DSP: variants seen among roughly 807,000 people sequenced by gnomAD.
The protein encoded by DSP is desmoplakin, also known as 250/210 kDa paraneoplastic pemphigus antigen.
In DSP, 114 loss-of-function variants were observed where a neutral mutation model predicts 290.6. The ratio of observed to expected loss-of-function variants is 0.39; its 90% CI spans 0.34 to 0.46. The LOEUF (loss-of-function observed/expected upper bound fraction) is 0.46. Among genes scored for constraint, DSP ranks in the 20% least tolerant of loss-of-function variants. DSP has a pLI of 0.99. For synonymous variants in DSP, 1,311 were observed against 1,316.4 expected, an observed-to-expected ratio of 1.00 and a Z score of 0.09; for missense variants, 3,230 against 3,495.8, an observed-to-expected ratio of 0.92 and a Z score of 1.92.
rs765707433 is a variant in DSP, at chr6:7,558,163, G to A, written c.321G>A (p.Leu107=). Residue 107 remains leucine, a synonymous_variant, in exon 3 of 24, where the codon TTG becomes TTA. Transcript: ENST00000379802. ...TACAACTGACTCGGAGTCGAGAATT[G>A]GATGAGTGTTTTGCCCAGGCCAATG... is the stretch of plus-strand genomic sequence containing the variant. ...DGIQLTRSRE[L]DECFAQANDQ... 9 of 1,614,108 alleles carry A rather than the reference G, an allele frequency of 5.6e-6. No homozygotes were observed. Among genetic ancestry groups the A allele is most frequent in the Non-Finnish European group, 7.6e-6 (9 of 1,180,052 alleles).
rs1758815223 is a variant in DSP, at chr6:7,565,050, A to G, written c.778-309A>G. ...TCCCACCTACTCGGGAAGCTGAGGCAGGAGAATCGCTTAAACCCGGGAGGG... is the reference window on the plus strand; with the variant it reads ...TCCCACCTACTCGGGAAGCTGAGGCGGGAGAATCGCTTAAACCCGGGAGGG... On this transcript the variant is annotated intron_variant, in intron 6 of 23. Transcript: ENST00000379802. The surrounding 1 kb of genome is among the most constrained non-coding windows in gnomAD (Gnocchi z 4.2). 6.6e-6 allele frequency among the ~76,000 whole-genome samples: 1 copy of G among 152,160 alleles called. No homozygotes were observed. Among genetic ancestry groups the G allele is most frequent in the Non-Finnish European group, 1.5e-5 (1 of 68,034 alleles).
rs10545097 is a variant in DSP, at chr6:7,582,139, G to GGTGTGTGT, written c.5380-482_5380-475dup. On this transcript the variant is annotated intron_variant, in intron 23 of 23. Coordinates refer to ENST00000379802, the MANE Select transcript of DSP (RefSeq NM_004415.4). This position sits in a 1 kb window ranked among gnomAD's most constrained non-coding sequence, Gnocchi z 4.2. ...GACAATATTTGTGTGTGGCTGGGTT[G>GGTGTGTGT]GTGTGTGTGTGTGTGTGTGTGTGTG... 7.0e-6 allele frequency among the ~76,000 whole-genome samples: 1 copy of GGTGTGTGT among 143,792 alleles called. No homozygotes were observed. Among genetic ancestry groups the GGTGTGTGT allele is most frequent in the Admixed American group, 7.0e-5 (1 of 14,272 alleles). 94.3% of individuals were successfully genotyped at this position (143,792 alleles called of 152,430 possible).
intron 4 of DSP, among the ~76,000 whole-genome samples, chr6:7,559,634 TCA>T (rs2113660481): frequency 6.6e-6 from 1 of 152,244 alleles, no homozygotes; most frequent in East Asian, 1.9e-4. Flanking sequence ...TCATCCTTTA[TCA>T]CACAGGTCAT....
intron 10 of DSP, 86 bp from the exon 11 acceptor site, chr6:7,568,351 A>G (rs749943799): frequency 1.5e-5 from 22 of 1,431,314 alleles, no homozygotes; most frequent in Non-Finnish European, 2.0e-5. Context: ...TCAGTGTGTC[A>G]TGTAGCTACA....
chr6:7,576,577 C>A, intron 19 of DSP, 121 bp downstream of exon 19: 1 of 1,310,374 alleles, frequency 7.6e-7, no homozygotes, highest in Non-Finnish European at 1.1e-6. Context: ...ATTACTAACC[C>A]ATTTTGTGAA....
chr6:7,575,694 A>G (rs1340051871), intron 18 of DSP, among the ~76,000 whole-genome samples: 1 of 152,228 alleles, frequency 6.6e-6, no homozygotes, highest in Admixed American at 6.5e-5. Context: ...AACCCTGTGC[A>G]GGCCAGGTGC....
intron 3 of DSP, among the ~76,000 whole-genome samples, chr6:7,558,501 ATTTGACTTTTTTTTTTTTT>A (rs1758572003): frequency 1.4e-5 from 2 of 138,088 alleles, no homozygotes; most frequent in Admixed American, 1.4e-4. Context: ...TTGGCATGGC[ATTTGACTTTTTTTTTTTTT>A]TTTTTTTTTT....
At chr6:7,550,301 G>T (rs1195728074) in intron 1 of DSP, among the ~76,000 whole-genome samples, 1 of 151,472 alleles carries the variant, frequency 6.6e-6, no homozygotes. Flanking sequence ...GCAATCCGGC[G>T]GCCTCTGCCT....
chr6:7,568,578 A>C lies in DSP; in HGVS notation c.1408A>C (p.Lys470Gln). Reference sequence around the variant, plus strand: ...TATTCTCAGAGCTCTCTGTGACTACAAACAAGATCAGGTGTGTACTCATTT... The same window carrying C: ...TATTCTCAGAGCTCTCTGTGACTACCAACAAGATCAGGTGTGTACTCATTT... ...PIILRALCDY[K>Q]QDQKIVHKGD... The change falls in exon 11 of 24, where the codon AAA becomes CAA. Residue 470 changes from lysine (K) to glutamine (Q), a missense_variant. Lys to Gln is a moderately conservative substitution (Grantham distance 53). This residue lies in a region of DSP where 646 missense variants were observed against 684.3 expected (regional missense o/e 0.94). Transcript: ENST00000379802. The C allele has an allele frequency of 6.2e-7, 1 of 1,613,982 alleles. No homozygotes were observed.
chr6:7,571,268 G>A lies in DSP; in HGVS notation c.1702-115G>A. ...AGACCTTTTATATCTTAATGAGCCT[G>A]TGATGAGTGTTGCTTTGAGTCCCAT... On this transcript the variant is annotated intron_variant, in intron 13 of 23. Transcript: ENST00000379802. 1.6e-5 allele frequency: 15 copies of A among 954,320 alleles called. No homozygotes were observed. The South Asian group carries it at 1.9e-4, about 12-fold the overall frequency. 59.1% of individuals were successfully genotyped at this position (954,320 alleles called of 1,614,324 possible). A position where few individuals can be genotyped will look rare whatever the true frequency, so the allele number is the denominator to read the frequency against.
chr6:7,542,794 C>T (rs780968350), intron 1 of DSP, among the ~76,000 whole-genome samples: 3 of 152,216 alleles, frequency 2.0e-5, no homozygotes, highest in African/African-American at 2.4e-5. Context: ...CGCCGCAGCC[C>T]CCGCGGGCGA....
At position 7,581,297 on chromosome 6, in the gene DSP, A is replaced by T. The variant is rs868035157; in HGVS notation, c.5107A>T (p.Ile1703Phe). The stretch of plus-strand genomic sequence containing the variant: ...AAGCTTAAATGAAAGCAAAATAGAA[A>T]TTGAGAGGCTGCAGTCTCTCACAGA... ...SRSLNESKIE[I>F]ERLQSLTENL... Residue 1703 changes from isoleucine (I) to phenylalanine (F), a missense_variant, in exon 23 of 24, where the codon ATT becomes TTT. Transcript: ENST00000379802. 5 of 1,614,172 alleles carry T rather than the reference A, an allele frequency of 3.1e-6. No homozygotes were observed. In the Middle Eastern group the frequency reaches 4.9e-4, roughly 160 times the overall value.
intron 11 of DSP, 122 bp downstream of exon 11, chr6:7,568,711 A>T: frequency 9.0e-7 from 1 of 1,112,832 alleles, no homozygotes; most frequent in Non-Finnish European, 1.3e-6. Flanking sequence ...TCTTTGATCT[A>T]TGAAATCAGC....
Position 7,586,022 on chromosome 6 carries a change from C to G in DSP, c.*144C>G. 1 of 872,894 alleles carries G rather than the reference C, an allele frequency of 1.1e-6. No homozygotes were observed. Among genetic ancestry groups the G allele is most frequent in the Non-Finnish European group, 1.8e-6 (1 of 561,026 alleles). 54.1% of individuals were successfully genotyped at this position (872,894 alleles called of 1,614,324 possible). On this transcript the variant is annotated 3_prime_UTR_variant, in exon 24 of 24. Coordinates refer to ENST00000379802, the MANE Select transcript of DSP (RefSeq NM_004415.4). The stretch of plus-strand genomic sequence containing the variant: ...CAGAAAATATAGCCATGATTGAAAT[C>G]AAATAGTAAAGGCTGTTCTGGCTTT...
chr6:7,558,420 T>C (rs1758570117), intron 3 of DSP, among the ~76,000 whole-genome samples, 156 bp downstream of exon 3: 1 of 152,234 alleles, frequency 6.6e-6, no homozygotes, highest in Non-Finnish European at 1.5e-5. Flanking sequence ...CTTTATTATG[T>C]ATCTCTAATA....
At chr6:7,549,489 T>C (rs1031323163) in intron 1 of DSP, among the ~76,000 whole-genome samples, 8 of 152,314 alleles carry the variant, frequency 5.3e-5, no homozygotes, top group East Asian at 1.9e-4. Context: ...AAATGAAGTA[T>C]TAAAAATATA....
At chr6:7,558,003 G>C (rs1351866602) in intron 2 of DSP, 113 bp from the exon 3 acceptor site, 1 of 1,337,458 alleles carries the variant, frequency 7.5e-7, no homozygotes, top group East Asian at 2.3e-5. Context: ...TTTCACTGGC[G>C]AAACTTACAG....
At chr6:7,572,513 C>T (rs982871936) in intron 15 of DSP, among the ~76,000 whole-genome samples, 2 of 152,154 alleles carry the variant, frequency 1.3e-5, no homozygotes, top group Non-Finnish European at 2.9e-5. Context: ...AGCCTGGGCA[C>T]ACTGCACTGG....
At chr6:7,551,203 ACATAC>A (rs1426459162) in intron 1 of DSP, among the ~76,000 whole-genome samples, 12 of 152,340 alleles carry the variant, frequency 7.9e-5, no homozygotes, top group African/African-American at 2.9e-4. Flanking sequence ...AAGAAATCTT[ACATAC>A]CATTTAGCCC....
Sources: gnomAD v4.1 joint callset for allele counts (sites outside exome capture counted in the v4.1 genomes callset) on GRCh38, gnomAD v4.1.1 for gene constraint, gnomAD v4.1.1 regional missense constraint, Gnocchi (gnomAD v3.1) non-coding constraint, MANE v1.5 for transcripts, NCBI Gene and HGNC (gene_info 2026-07-23, HGNC 2026-07-21) for gene names.